Variants in QKI observed in about 807,000 individuals in gnomAD.
QKI encodes the protein KH domain-containing RNA-binding protein QKI.
In QKI, 10 loss-of-function variants were observed where a neutral mutation model predicts 39.0. The ratio of observed to expected loss-of-function variants is 0.26; its 90% CI spans 0.16 to 0.43. QKI has a LOEUF of 0.43. QKI is among the 20% of genes least tolerant of loss of function. QKI has a pLI of 1.00. For synonymous variants in QKI, 204 were observed against 155.4 expected (o/e 1.31, Z -2.33); for missense variants, 218 against 428.0 (o/e 0.51, Z 4.33).
At chr6:163,423,565 TCTG>T (rs1380680546) in intron 1 of QKI, 3 of 152,020 alleles carry the variant, frequency 2.0e-5, no homozygotes, top group Non-Finnish European at 2.9e-5. Context: ...ATGCTAAAAA[TCTG>T]CTGCTGTTGC....
intron 6 of QKI, chr6:163,564,382 T>C: frequency 8.1e-7 from 1 of 1,240,534 alleles, no homozygotes; most frequent in South Asian, 1.9e-5. Flanking sequence ...TGGGACCACA[T>C]AGTATAAGTG....
Position 163,564,324 on chromosome 6 carries a change from ATCGTTT to A in QKI, c.934+606_934+611del, listed in dbSNP as rs1783219057. On this transcript the variant is annotated intron_variant, in intron 6 of 7. Transcript: ENST00000361752. ...GTGTACTTACACAGACATAGATGAT[ATCGTTT>A]ACTACACACCTAGGCTGTGTGGTAT... 18 of 1,014,514 alleles carry A rather than the reference ATCGTTT, an allele frequency of 1.8e-5. No homozygotes were observed. In the South Asian group the frequency reaches 5.3e-4, roughly 30 times the overall value. 62.8% of individuals were successfully genotyped at this position (1,014,514 alleles called of 1,614,324 possible). A position where few individuals can be genotyped will look rare whatever the true frequency, so the allele number is the denominator to read the frequency against.
At position 163,563,754 on chromosome 6, in the gene QKI, T is replaced by G. The variant is rs1202488190; in HGVS notation, c.934+35T>G. 1.2e-5 allele frequency: 19 copies of G among 1,565,412 alleles called. No homozygotes were observed. In the East Asian group the frequency reaches 4.3e-4, roughly 35 times the overall value. On this transcript the variant is annotated intron_variant, in intron 6 of 7. Transcript: ENST00000361752. Reference sequence around the variant, plus strand: ...TCTCCCCATGGGGTTAACAACATTCTCTTTATAAATATTTTTGCTCCCTCA... The same window carrying G: ...TCTCCCCATGGGGTTAACAACATTCGCTTTATAAATATTTTTGCTCCCTCA...
intron 3 of QKI, among the ~76,000 whole-genome samples, chr6:163,499,445 GAAGAACATTTTATC>G (rs1238757949): frequency 6.6e-6 from 1 of 152,160 alleles, no homozygotes; most frequent in African/African-American, 2.4e-5. Context: ...AAATGTAAAA[GAAGAACATTTTATC>G]AAGTTGGCAA....
chr6:163,474,684 G>A (rs753979818), intron 2 of QKI, among the ~76,000 whole-genome samples: 4 of 151,688 alleles, frequency 2.6e-5, no homozygotes, highest in Admixed American at 6.6e-5. Flanking sequence ...AGCTCTTTGG[G>A]AGGCTTAGGC....
At chr6:163,440,072 A>G (rs867048739) in intron 1 of QKI, among the ~76,000 whole-genome samples, 2 of 152,152 alleles carry the variant, frequency 1.3e-5, no homozygotes, top group Middle Eastern at 3.4e-3. Context: ...TTCCCCCCTC[A>G]TTGTATATGT....
Position 163,435,001 on chromosome 6 carries a change from G to T in QKI, c.142+19666G>T, listed in dbSNP as rs188869206. Reference sequence around the variant, plus strand: ...TTTTAAATAATGGAATAAAAGATGGGTACTTAATTATCCAACACTTAAAAA... The same window carrying T: ...TTTTAAATAATGGAATAAAAGATGGTTACTTAATTATCCAACACTTAAAAA... On this transcript the variant is annotated intron_variant, in intron 1 of 7. Coordinates refer to ENST00000361752, the MANE Select transcript of QKI (RefSeq NM_006775.3). Among the ~76,000 whole-genome samples the T allele has an allele frequency of 5.4e-4, 82 of 152,118 alleles. No homozygotes were observed. The East Asian group carries it at 0.014, about 27-fold the overall frequency.
At chr6:163,497,516 T>C (rs966521962) in intron 3 of QKI, among the ~76,000 whole-genome samples, 1 of 152,044 alleles carries the variant, frequency 6.6e-6, no homozygotes, top group African/African-American at 2.4e-5. Flanking sequence ...GTTTTAGTCT[T>C]TGGAGGAATT....
chr6:163,432,027 A>G (rs1014479004), intron 1 of QKI, among the ~76,000 whole-genome samples: 3 of 152,186 alleles, frequency 2.0e-5, no homozygotes, highest in Non-Finnish European at 4.4e-5. Context: ...TTTAAGTTAC[A>G]TTATTAACAA....
intron 3 of QKI, among the ~76,000 whole-genome samples, chr6:163,480,215 G>A (rs369776268): frequency 6.6e-6 from 1 of 152,112 alleles, no homozygotes; most frequent in African/African-American, 2.4e-5. Flanking sequence ...AAGATTAAAA[G>A]TGTTTTAGGA....
chr6:163,435,103 C>T (rs1191700750), intron 1 of QKI, among the ~76,000 whole-genome samples: 1 of 152,134 alleles, frequency 6.6e-6, no homozygotes, highest in Non-Finnish European at 1.5e-5. Context: ...CACAATAATA[C>T]TGAATCTAGA....
chr6:163,442,562 A>G (rs1789838746), intron 1 of QKI, among the ~76,000 whole-genome samples: 1 of 152,222 alleles, frequency 6.6e-6, no homozygotes, highest in Non-Finnish European at 1.5e-5. Flanking sequence ...GATTGTGGTT[A>G]GAGCTGTAAT....
intron 4 of QKI, among the ~76,000 whole-genome samples, chr6:163,541,724 T>G (rs896900298): frequency 1.2e-4 from 18 of 152,020 alleles, no homozygotes; most frequent in Admixed American, 1.1e-3. Context: ...TTAAAAAGTT[T>G]TACTCTATTT....
At chr6:163,521,781 A>G (rs1780177511) in intron 3 of QKI, among the ~76,000 whole-genome samples, 1 of 152,138 alleles carries the variant, frequency 6.6e-6, no homozygotes, top group Non-Finnish European at 1.5e-5. Flanking sequence ...TCAGCCTCCC[A>G]AAGTGCTGGG....
rs1787318336 is a variant in QKI at position 163,415,098 on chromosome 6, CCGAGCGGCCCGCGGCCGGGGCT to C, written c.-93_-72del. ...CCGGCGCGGAGCGGGACGCCGGGTC[CCGAGCGGCCCGCGGCCGGGGCT>C]CGCCCCCGCCCCTCCCTCCTCTCCG... is the stretch of plus-strand genomic sequence containing the variant. On this transcript the variant is annotated 5_prime_UTR_variant, in exon 1 of 8. Coordinates refer to ENST00000361752, the MANE Select transcript of QKI (RefSeq NM_006775.3). 8 of 1,023,408 alleles carry C rather than the reference CCGAGCGGCCCGCGGCCGGGGCT, an allele frequency of 7.8e-6. No individual in the cohort carries two copies. The highest frequency in any genetic ancestry group is 6.1e-5 in the Admixed American group (1 of 16,342). 63.4% of individuals were successfully genotyped at this position (1,023,408 alleles called of 1,614,324 possible).
intron 4 of QKI, among the ~76,000 whole-genome samples, chr6:163,536,928 G>A (rs1403599798): frequency 1.3e-5 from 2 of 152,162 alleles, no homozygotes; most frequent in Admixed American, 6.5e-5. Context: ...TTGGAACATG[G>A]CCAAGCATGG....
At chr6:163,552,646 A>G (rs1213683491) in intron 4 of QKI, among the ~76,000 whole-genome samples, 10 of 152,152 alleles carry the variant, frequency 6.6e-5, no homozygotes, top group African/African-American at 4.8e-5. Context: ...AAGCCCATCC[A>G]TATTGTTGGA....
chr6:163,475,949 G>C (rs963106888), intron 2 of QKI, among the ~76,000 whole-genome samples: 1 of 152,104 alleles, frequency 6.6e-6, no homozygotes, highest in Non-Finnish European at 1.5e-5. Context: ...ACGAGCCACA[G>C]GATGGGAAAA....
chr6:163,442,563 G>C (rs1353868813), intron 1 of QKI, among the ~76,000 whole-genome samples: 6 of 152,224 alleles, frequency 3.9e-5, no homozygotes, highest in Admixed American at 1.3e-4. Context: ...ATTGTGGTTA[G>C]AGCTGTAATG....
Sources: allele counts gnomAD v4.1 joint callset (sites outside exome capture counted in the v4.1 genomes callset), GRCh38; gene constraint gnomAD v4.1.1; transcripts MANE v1.5; gene names NCBI Gene and HGNC (gene_info 2026-07-23, HGNC 2026-07-21).